Variants in PTPRN2 observed in about 807,000 individuals in gnomAD.
The protein encoded by PTPRN2 is receptor-type tyrosine-protein phosphatase N2.
A neutral mutation model predicts 118.8 loss-of-function variants in PTPRN2; 74 were observed. The observed-to-expected ratio is 0.62, with a 90% CI of 0.52 to 0.76. PTPRN2 has a LOEUF of 0.76. Ranked by LOEUF, PTPRN2 falls within the 30% of genes least tolerant of loss-of-function variation. The probability of loss-of-function intolerance (pLI) is 0.00; values close to 1 mark genes in which losing one functional copy is unlikely to be tolerated. For synonymous variants in PTPRN2, 641 were observed against 608.0 expected, an observed-to-expected ratio of 1.05 and a Z score of -0.80; for missense variants, 1,481 against 1,394.4, an observed-to-expected ratio of 1.06 and a Z score of -0.99.
intron 6 of PTPRN2, among the ~76,000 whole-genome samples, chr7:158,149,710 A>C (rs1006552981): frequency 2.0e-5 from 3 of 151,984 alleles, no homozygotes; most frequent in Non-Finnish European, 4.4e-5. Flanking sequence ...AGGCTAAGGC[A>C]GGAGAATTGC....
At chr7:158,384,659 T>C (rs1046514058) in intron 2 of PTPRN2, among the ~76,000 whole-genome samples, 4 of 152,182 alleles carry the variant, frequency 2.6e-5, no homozygotes, top group African/African-American at 2.4e-5. Flanking sequence ...TGGGAGGGAA[T>C]GAACCTTCCC....
At chr7:158,285,508 C>T (rs1415491792) in intron 3 of PTPRN2, among the ~76,000 whole-genome samples, 1 of 152,300 alleles carries the variant, frequency 6.6e-6, no homozygotes. Flanking sequence ...CTCCTGCAGG[C>T]GGGCCCCAGG....
In PTPRN2 at chr7:157,964,006, T is replaced by C. The variant is rs1014118141; in HGVS notation, c.1724-65269A>G. ...CCAGTCATTAAGTCCTAATTACATG[T>C]TATTTGCCCTGTTCAAGTTCAAGCA... On this transcript the variant is annotated intron_variant, in intron 11 of 22. Coordinates refer to ENST00000389418, the MANE Select transcript of PTPRN2 (RefSeq NM_002847.5). The surrounding 1 kb of genome is among the most constrained non-coding windows in gnomAD (Gnocchi z 9.0). Among the ~76,000 whole-genome samples, 1 of 152,302 alleles carries C rather than the reference T, an allele frequency of 6.6e-6. No individual in the cohort carries two copies. The highest frequency in any genetic ancestry group is 2.1e-4 in the South Asian group (1 of 4,818).
intron 5 of PTPRN2, among the ~76,000 whole-genome samples, chr7:158,180,251 G>A (rs1249932416): frequency 6.6e-6 from 1 of 152,190 alleles, no homozygotes; most frequent in African/African-American, 2.4e-5. Flanking sequence ...CCAGTTTATG[G>A]TTTTCTATGC....
intron 6 of PTPRN2, among the ~76,000 whole-genome samples, chr7:158,148,466 C>T (rs1302864883): frequency 7.4e-6 from 1 of 135,978 alleles, no homozygotes; most frequent in African/African-American, 2.8e-5. Flanking sequence ...ACACGTCTTT[C>T]CCCCTCAATG....
intron 6 of PTPRN2, among the ~76,000 whole-genome samples, chr7:158,145,986 T>G (rs891938223): frequency 6.6e-6 from 1 of 152,194 alleles, no homozygotes; most frequent in African/African-American, 2.4e-5. Context: ...CCCAGCATAC[T>G]GTAAGTGCTT....
chr7:157,922,709 C>T (rs1012096065), intron 11 of PTPRN2, among the ~76,000 whole-genome samples: 4 of 152,160 alleles, frequency 2.6e-5, no homozygotes, highest in African/African-American at 7.2e-5. Flanking sequence ...CAGCGGCAAT[C>T]GTCTTTATTA....
chr7:158,045,122 C>G (rs1302126394), intron 11 of PTPRN2, among the ~76,000 whole-genome samples: 1 of 152,142 alleles, frequency 6.6e-6, no homozygotes, highest in Non-Finnish European at 1.5e-5. Context: ...GAGATTGATG[C>G]TGAAACCACC....
intron 1 of PTPRN2, among the ~76,000 whole-genome samples, chr7:158,564,920 G>T (rs138590968): frequency 6.6e-6 from 1 of 152,154 alleles, no homozygotes; most frequent in Non-Finnish European, 1.5e-5. Context: ...TGCAAGGCTC[G>T]TGCCTTCCCT....
At chr7:158,487,796 TCG>T (rs1821138975) in intron 2 of PTPRN2, among the ~76,000 whole-genome samples, 1 of 152,060 alleles carries the variant, frequency 6.6e-6, no homozygotes, top group African/African-American at 2.4e-5. Context: ...CCCGTCAGCC[TCG>T]CAAAGCGCAG....
rs190379772 is a variant in PTPRN2 at position 157,873,776 on chromosome 7, G to A, written c.1788+24897C>T. Among the ~76,000 whole-genome samples the A allele has an allele frequency of 4.2e-3, 633 of 152,272 alleles. 7 individuals carry two copies. Among genetic ancestry groups the A allele is most frequent in the Admixed American group, 9.5e-3 (146 of 15,306 alleles). On this transcript the variant is annotated intron_variant, in intron 12 of 22. Coordinates refer to ENST00000389418, the MANE Select transcript of PTPRN2 (RefSeq NM_002847.5). The stretch of plus-strand genomic sequence containing the variant: ...GCAGAGGGCCCTGCTTTCAGGTACT[G>A]AGGAGAGCGCAGCACTCGGCATCAC...
At chr7:157,646,249 TG>T (rs1257262260) in intron 14 of PTPRN2, among the ~76,000 whole-genome samples, 12 of 151,778 alleles carry the variant, frequency 7.9e-5, no homozygotes, top group African/African-American at 2.9e-4. Flanking sequence ...GGTCACAGGG[TG>T]GTTTCTCATG....
intron 6 of PTPRN2, among the ~76,000 whole-genome samples, chr7:158,144,831 AC>A (rs1819744429): frequency 6.6e-6 from 1 of 152,176 alleles, no homozygotes; most frequent in Admixed American, 6.5e-5. Flanking sequence ...GTGTCGACCC[AC>A]CCTGAACTTT....
intron 2 of PTPRN2, among the ~76,000 whole-genome samples, chr7:158,366,755 C>T (rs1454917652): frequency 6.6e-6 from 1 of 152,186 alleles, no homozygotes; most frequent in Non-Finnish European, 1.5e-5. Context: ...GGTTCTCATT[C>T]CTGAATTTTT....
chr7:157,577,355 G>A (rs1284240994), intron 18 of PTPRN2, among the ~76,000 whole-genome samples: 2 of 152,172 alleles, frequency 1.3e-5, no homozygotes, highest in East Asian at 3.9e-4. Context: ...CCTCTAACTC[G>A]CTTCCTGCTG....
intron 11 of PTPRN2, among the ~76,000 whole-genome samples, chr7:158,050,386 A>C (rs942858873): frequency 6.6e-6 from 1 of 152,172 alleles, no homozygotes; most frequent in Non-Finnish European, 1.5e-5. Context: ...TGTCCTCCAG[A>C]TTTACCAGTG....
At chr7:158,402,392 G>A (rs542387645) in intron 2 of PTPRN2, among the ~76,000 whole-genome samples, 1 of 152,074 alleles carries the variant, frequency 6.6e-6, no homozygotes, top group South Asian at 2.1e-4. Context: ...CTTGACTCTC[G>A]GAGGTGGGGC....
chr7:158,331,047 C>A (rs1586298748), intron 2 of PTPRN2, among the ~76,000 whole-genome samples: 3 of 138,802 alleles, frequency 2.2e-5, no homozygotes, highest in African/African-American at 8.1e-5. Flanking sequence ...AGAGGTGACA[C>A]CTGCAGACGT....
chr7:157,726,906 G>A (rs995703452), intron 12 of PTPRN2, among the ~76,000 whole-genome samples: 1 of 152,200 alleles, frequency 6.6e-6, no homozygotes, highest in African/African-American at 2.4e-5. Flanking sequence ...AGGCAGAGGC[G>A]CTTGGCGTCA....
Sources: allele counts gnomAD v4.1 joint callset (sites outside exome capture counted in the v4.1 genomes callset), GRCh38; gene constraint gnomAD v4.1.1; non-coding constraint Gnocchi (gnomAD v3.1); transcripts MANE v1.5; gene names NCBI Gene and HGNC (gene_info 2026-07-23, HGNC 2026-07-21).